SERPINB4: variants seen among roughly 807,000 people sequenced by gnomAD.
SERPINB4 encodes serpin B4.
Under a neutral mutation model 33.2 loss-of-function variants are expected in SERPINB4, and 39 were observed. That is an observed-to-expected ratio of 1.18 (90% confidence interval 0.91 to 1.53). The LOEUF is 1.53. Ranked by LOEUF, SERPINB4 falls within the 40% of genes most tolerant of loss-of-function variation. The pLI, the probability that SERPINB4 is intolerant of heterozygous loss-of-function variation, is 0.00. For synonymous variants in SERPINB4, 191 were observed against 166.4 expected, an observed-to-expected ratio of 1.15 and a Z score of -1.14; for missense variants, 564 against 455.4, an observed-to-expected ratio of 1.24 and a Z score of -2.17.
chr18:63,644,091 C>A (rs544974815), intron 1 of SERPINB4, 118 bp downstream of exon 1: 1 of 155,032 alleles, frequency 6.5e-6, no homozygotes, highest in South Asian at 2.0e-4. Context: ...TTTGCTCTGG[C>A]AGAATAAGTA....
chr18:63,640,431 C>T (rs1484725610), intron 5 of SERPINB4, among the ~76,000 whole-genome samples: 1 of 152,056 alleles, frequency 6.6e-6, no homozygotes, highest in Non-Finnish European at 1.5e-5. Flanking sequence ...AGATGTGATC[C>T]AGGCAGCTCC....
intron 5 of SERPINB4, among the ~76,000 whole-genome samples, chr18:63,640,503 C>T (rs1050791116): frequency 3.3e-4 from 50 of 152,040 alleles, no homozygotes; most frequent in African/African-American, 1.0e-3. Flanking sequence ...GTAAAGGAGA[C>T]GAGAGACGCT....
chr18:63,637,457 G>C lies in SERPINB4; in HGVS notation c.*262C>G. 1 of 376,432 alleles carries C rather than the reference G, an allele frequency of 2.7e-6. No individual in the cohort carries two copies. The highest frequency in any genetic ancestry group is 4.7e-6 in the Non-Finnish European group (1 of 211,168). 23.3% of individuals were successfully genotyped at this position (376,432 alleles called of 1,614,324 possible). A position where few individuals can be genotyped will look rare whatever the true frequency, so the allele number is the denominator to read the frequency against. Reference sequence around the variant, plus strand: ...TTATATTTCAAATTTAGAAGACACGGTATTAAATGATTCATCTTATCTTGG... The same window carrying C: ...TTATATTTCAAATTTAGAAGACACGCTATTAAATGATTCATCTTATCTTGG... On this transcript the variant is annotated 3_prime_UTR_variant, in exon 8 of 8. Coordinates refer to ENST00000341074, the MANE Select transcript of SERPINB4 (RefSeq NM_002974.4).
At chr18:63,639,905 G>A (rs181348799) in intron 5 of SERPINB4, 129 bp from the exon 6 acceptor site, 2 of 865,876 alleles carry the variant, frequency 2.3e-6, no homozygotes, top group Admixed American at 4.9e-5. Context: ...CACTGACTTT[G>A]ATCTTTGAAT....
At chr18:63,642,100 A>G (rs1913154372) in intron 3 of SERPINB4, among the ~76,000 whole-genome samples, 1 of 152,018 alleles carries the variant, frequency 6.6e-6, no homozygotes, top group Non-Finnish European at 1.5e-5. Flanking sequence ...GCTCTAACGT[A>G]CTGCAATCTT....
At chr18:63,641,490 G>A (rs1159173326) in intron 4 of SERPINB4, among the ~76,000 whole-genome samples, 2 of 151,926 alleles carry the variant, frequency 1.3e-5, no homozygotes, top group African/African-American at 4.8e-5. Context: ...TTTATCGATG[G>A]TATCTTATTA....
chr18:63,640,917 T>C lies in SERPINB4; in HGVS notation c.426A>G (p.Glu142=). The change falls in exon 5 of 8, where the codon GAA becomes GAG. Residue 142 remains glutamate, a synonymous_variant. Coordinates refer to ENST00000341074, the MANE Select transcript of SERPINB4 (RefSeq NM_002974.4). ...ESTDFANAPE[E]SRKKINSWVE... The stretch of plus-strand genomic sequence containing the variant: ...CCCAGGAGTTAATCTTCTTTCGACT[T>C]TCTTCTGGAGCATTTGCAAAATCAG... 6.2e-7 allele frequency: 1 copy of C among 1,612,914 alleles called. No homozygotes were observed. The highest frequency in any genetic ancestry group is 8.5e-7 in the Non-Finnish European group (1 of 1,179,296).
intron 5 of SERPINB4, among the ~76,000 whole-genome samples, chr18:63,640,371 C>T (rs1301790738): frequency 6.6e-6 from 1 of 151,860 alleles, no homozygotes; most frequent in African/African-American, 2.4e-5. Context: ...AGCTCTTTGC[C>T]CTTGATGGGG....
intron 7 of SERPINB4, 111 bp downstream of exon 7, chr18:63,639,074 T>A (rs753539165): frequency 1.6e-6 from 2 of 1,277,890 alleles, no homozygotes; most frequent in African/African-American, 1.5e-5. Flanking sequence ...TCATTTAGAA[T>A]TTTTCATCAT....
chr18:63,641,920 T>C, intron 3 of SERPINB4, 32 bp from the exon 4 acceptor site: 1 of 1,611,216 alleles, frequency 6.2e-7, no homozygotes, highest in Non-Finnish European at 8.5e-7. Flanking sequence ...ATCATTCAAT[T>C]GCTGTATCAA....
At position 63,643,236 on chromosome 18, in the gene SERPINB4, G is replaced by A. The variant is rs549977316; in HGVS notation, c.166-19C>T. ...GAAGAACCTGGAAGAGACATGAAGC[G>A]GGACAAGAAAACTTTACTCAAAAGA... On this transcript the variant is annotated intron_variant, in intron 2 of 7. Coordinates refer to ENST00000341074, the MANE Select transcript of SERPINB4 (RefSeq NM_002974.4). The A allele has an allele frequency of 3.6e-5, 58 of 1,613,154 alleles. No individual in the cohort carries two copies. In the South Asian group the frequency reaches 3.7e-4, roughly 10 times the overall value.
intron 7 of SERPINB4, among the ~76,000 whole-genome samples, chr18:63,638,444 CTGTA>C (rs1186822899): frequency 6.6e-6 from 1 of 151,868 alleles, no homozygotes; most frequent in Non-Finnish European, 1.5e-5. Flanking sequence ...ACACAATGAA[CTGTA>C]TGTATCACTA....
At chr18:63,640,259 G>A (rs1018942806) in intron 5 of SERPINB4, among the ~76,000 whole-genome samples, 11 of 151,906 alleles carry the variant, frequency 7.2e-5, no homozygotes, top group African/African-American at 4.8e-5. Context: ...CACTACTTCC[G>A]GGGGTATCTT....
In SERPINB4 at chr18:63,637,629, G is replaced by T. The variant is rs1912967706; in HGVS notation, c.*90C>A. On this transcript the variant is annotated 3_prime_UTR_variant, in exon 8 of 8. Coordinates refer to ENST00000341074, the MANE Select transcript of SERPINB4 (RefSeq NM_002974.4). The stretch of plus-strand genomic sequence containing the variant: ...TCAAGATGAGATAGAAAAGAAATAT[G>T]AGCCAAGAGAATCTGTTGTTGCCAG... 7.6e-7 allele frequency: 1 copy of T among 1,321,114 alleles called. No homozygotes were observed. 81.8% of individuals were successfully genotyped at this position (1,321,114 alleles called of 1,614,324 possible). A position where few individuals can be genotyped will look rare whatever the true frequency, so the allele number is the denominator to read the frequency against.
chr18:63,642,686 A>C (rs1479446800), intron 3 of SERPINB4, among the ~76,000 whole-genome samples: 2 of 152,150 alleles, frequency 1.3e-5, no homozygotes, highest in Non-Finnish European at 2.9e-5. Context: ...TGACTCAATG[A>C]AAATTAAATT....
intron 3 of SERPINB4, chr18:63,642,892 T>C (rs1228730143): frequency 1.5e-5 from 7 of 456,302 alleles, no homozygotes; most frequent in Non-Finnish European, 2.8e-5. Context: ...CTCTTATTCA[T>C]CATTTGTGAA....
At position 63,643,612 on chromosome 18, in the gene SERPINB4, G is replaced by A. The variant is rs549156570; in HGVS notation, c.-26-9C>T. 2 of 1,602,898 alleles carry A rather than the reference G, an allele frequency of 1.2e-6. No individual in the cohort carries two copies. Among genetic ancestry groups the A allele is most frequent in the East Asian group, 2.2e-5 (1 of 44,784 alleles). On this transcript the variant is annotated splice_polypyrimidine_tract_variant and intron_variant, in intron 1 of 7. Transcript: ENST00000341074. ...GATGTGATCTGGAACTCCTGGAAAAGCATCAGATTCCTGTCAGAATGACTT... is the reference window on the plus strand; with the variant it reads ...GATGTGATCTGGAACTCCTGGAAAAACATCAGATTCCTGTCAGAATGACTT...
chr18:63,643,948 T>A (rs1296733348), intron 1 of SERPINB4, among the ~76,000 whole-genome samples: 1 of 151,898 alleles, frequency 6.6e-6, no homozygotes, highest in Non-Finnish European at 1.5e-5. Context: ...GCTGTTAAGA[T>A]GCGTCCCTGA....
intron 5 of SERPINB4, 40 bp downstream of exon 5, chr18:63,640,834 G>A: frequency 1.9e-6 from 3 of 1,544,932 alleles, no homozygotes. Flanking sequence ...CACTGGCATA[G>A]GTTTCTCAAA....
Sources: allele counts gnomAD v4.1 joint callset (sites outside exome capture counted in the v4.1 genomes callset), GRCh38; gene constraint gnomAD v4.1.1; transcripts MANE v1.5; gene names NCBI Gene and HGNC (gene_info 2026-07-23, HGNC 2026-07-21).